Variants in CDKL5 observed in about 807,000 individuals in gnomAD.
CDKL5 encodes cyclin dependent kinase like 5, also known as cyclin-dependent kinase-like 5.
CDKL5 carries 8 observed loss-of-function variants against 61.7 expected under a neutral mutation model. The observed-to-expected ratio is 0.13, with a 90% CI of 0.08 to 0.23. The LOEUF (loss-of-function observed/expected upper bound fraction) is 0.23. Among genes scored for constraint, CDKL5 ranks in the 10% least tolerant of loss-of-function variants. The pLI, the probability that CDKL5 is intolerant of heterozygous loss-of-function variation, is 1.00. For missense variants in CDKL5, 440 were observed against 734.5 expected (o/e 0.60, Z 4.63); for synonymous variants, 275 against 272.3 (o/e 1.01, Z -0.10).
chrX:18,517,809 C>T (rs1923074982), intron 3 of CDKL5, among the ~76,000 whole-genome samples: 1 of 111,849 alleles, frequency 8.9e-6, no homozygotes, highest in African/African-American at 3.2e-5. Context: ...AGTTCAAGAC[C>T]AGCCTGGCCA....
intron 1 of CDKL5, among the ~76,000 whole-genome samples, chrX:18,431,967 G>A (rs993262533): frequency 9.1e-6 from 1 of 109,465 alleles, no homozygotes; most frequent in African/African-American, 3.3e-5. Context: ...GGAGTGCAGT[G>A]GTGTGATCTC....
At chrX:18,623,643 A>G (rs1224299340) in intron 16 of CDKL5, among the ~76,000 whole-genome samples, 3 of 111,176 alleles carry the variant, frequency 2.7e-5, no homozygotes, top group African/African-American at 9.8e-5. Context: ...TACTAGAGGT[A>G]TTGATCATGA....
chrX:18,522,047 T>C (rs1923262498), intron 3 of CDKL5, among the ~76,000 whole-genome samples: 2 of 111,620 alleles, frequency 1.8e-5, no homozygotes, highest in Non-Finnish European at 3.8e-5. Flanking sequence ...CTGTATGAAT[T>C]TGAAATTTTT....
chrX:18,633,372 A>G lies in CDKL5; in HGVS notation c.*4615A>G. ...ATTGTTTTTGAAAGGGGACATAGAA[A>G]AGACAGTACAAAGGTTGTAAGTGTC... On this transcript the variant is annotated 3_prime_UTR_variant, in exon 18 of 18. Transcript: ENST00000623535. 1 of 754,198 alleles carries G rather than the reference A, an allele frequency of 1.3e-6. No individual in the cohort carries two copies. Among genetic ancestry groups the G allele is most frequent in the South Asian group, 6.7e-5 (1 of 14,863 alleles). The allele number at this position is 754,198 out of a possible 1,213,427, so 62.2% of individuals were successfully genotyped here. A position where few individuals can be genotyped will look rare whatever the true frequency, so the allele number is the denominator to read the frequency against.
At position 18,629,667 on chromosome X, in the gene CDKL5, T is replaced by A; in HGVS notation, c.*910T>A. The A allele has an allele frequency of 2.7e-6, 2 of 753,924 alleles. No individual in the cohort carries two copies. Among genetic ancestry groups the A allele is most frequent in the Non-Finnish European group, 3.1e-6 (2 of 639,293 alleles). The allele number at this position is 753,924 out of a possible 1,213,427, so 62.1% of individuals were successfully genotyped here. A position where few individuals can be genotyped will look rare whatever the true frequency, so the allele number is the denominator to read the frequency against. On this transcript the variant is annotated 3_prime_UTR_variant, in exon 18 of 18. Transcript: ENST00000623535. ...CAGCAGTAGCCTCTAGACATGATCC[T>A]TGGTAGCAGACGAGATGCAGCATCT...
intron 1 of CDKL5, among the ~76,000 whole-genome samples, chrX:18,449,660 G>GT (rs111785524): frequency 5.3e-5 from 6 of 112,236 alleles, no homozygotes; most frequent in African/African-American, 1.9e-4. Context: ...TCTCCTTATT[G>GT]TTTTTTTGTT....
At chrX:18,583,024 C>T (rs1925531119) in intron 7 of CDKL5, among the ~76,000 whole-genome samples, 1 of 111,797 alleles carries the variant, frequency 8.9e-6, no homozygotes, top group African/African-American at 3.2e-5. Context: ...AATACTGGAT[C>T]TGAAAGATTT....
intron 1 of CDKL5, among the ~76,000 whole-genome samples, chrX:18,429,999 A>C (rs1931448511): frequency 9.0e-6 from 1 of 111,558 alleles, no homozygotes; most frequent in Non-Finnish European, 1.9e-5. Context: ...AGGTATATGT[A>C]TGCTTCTTGG....
chrX:18,518,607 T>C (rs1923134822), intron 3 of CDKL5, among the ~76,000 whole-genome samples: 1 of 107,540 alleles, frequency 9.3e-6, no homozygotes, highest in Admixed American at 1.0e-4. Context: ...CGTTTTACCA[T>C]GTTGGCCAGG....
intron 1 of CDKL5, among the ~76,000 whole-genome samples, chrX:18,481,527 A>ATT (rs764120656): frequency 0.029 from 2,377 of 81,444 alleles, 97 homozygotes; most frequent in East Asian, 0.18. Context: ...TAATTTTTGT[A>ATT]TTTTTTTTTT....
At chrX:18,600,470 T>C (rs1926144957) in intron 11 of CDKL5, among the ~76,000 whole-genome samples, 1 of 112,233 alleles carries the variant, frequency 8.9e-6, no homozygotes, top group Non-Finnish European at 1.9e-5. Flanking sequence ...TTTACCTTAA[T>C]TGTCTCTTAG....
intron 20 of CDKL5, among the ~76,000 whole-genome samples, chrX:18,646,399 C>G (rs951703215): frequency 1.8e-5 from 2 of 112,156 alleles, no homozygotes; most frequent in Non-Finnish European, 3.8e-5. Flanking sequence ...GGTAATCTGC[C>G]CCCCCTCGGC....
In CDKL5 at chrX:18,540,156, G is replaced by GGTTGTT. The variant is rs745863506; in HGVS notation, c.100-24296_100-24291dup. Among the ~76,000 whole-genome samples, 238 of 109,117 alleles carry GGTTGTT rather than the reference G, an allele frequency of 2.2e-3. 2 individuals are homozygous for GGTTGTT. Among genetic ancestry groups the GGTTGTT allele is most frequent in the African/African-American group, 5.5e-3 (164 of 29,816 alleles). The allele number at this position is 109,117 out of a possible 115,157, so 94.8% of individuals were successfully genotyped here. A position where few individuals can be genotyped will look rare whatever the true frequency, so the allele number is the denominator to read the frequency against. On this transcript the variant is annotated intron_variant, in intron 3 of 17. Transcript: ENST00000623535. ...TTCTTTGGTTATCTTTTACTTTCTTGGTTGTTGTTGTTGTTGTTGTTGTTG... is the reference window on the plus strand; with the variant it reads ...TTCTTTGGTTATCTTTTACTTTCTTGGTTGTTGTTGTTGTTGTTGTTGTTGTTGTTG...
rs774915513 is a variant in CDKL5 at position 18,620,089 on chromosome X, C to G, written c.2376+123C>G. 6.3e-6 allele frequency: 3 copies of G among 476,412 alleles called. No homozygotes were observed. In the African/African-American group the frequency reaches 7.2e-5, roughly 11 times the overall value. The allele number at this position is 476,412 out of a possible 1,213,427, so 39.3% of individuals were successfully genotyped here. ...CTTATTGAGACTTGACATTTTTGCA[C>G]TGTATTATGTCTCTTTCTGAAATTC... is the stretch of plus-strand genomic sequence containing the variant. On this transcript the variant is annotated intron_variant, in intron 16 of 17. Transcript: ENST00000623535.
Position 18,631,992 on chromosome X carries a change from A to G in CDKL5, c.*3235A>G, listed in dbSNP as rs1927251297. 1.4e-5 allele frequency: 8 copies of G among 565,017 alleles called. No homozygotes were observed. Among genetic ancestry groups the G allele is most frequent in the Admixed American group, 9.0e-5 (1 of 11,162 alleles). The allele number at this position is 565,017 out of a possible 1,213,427, so 46.6% of individuals were successfully genotyped here. The stretch of plus-strand genomic sequence containing the variant: ...AGGTGATGGTATGCTACTGGCATCA[A>G]GTGGTTAGAGGCCACAGATGCTACT... On this transcript the variant is annotated 3_prime_UTR_variant, in exon 18 of 18. Transcript: ENST00000623535.
At chrX:18,609,309 G>A (rs189634081) in intron 13 of CDKL5, among the ~76,000 whole-genome samples, 156 bp from the exon 14 acceptor site, 10 of 111,602 alleles carry the variant, frequency 9.0e-5, no homozygotes, top group African/African-American at 2.6e-4. Context: ...CAGGAGGATT[G>A]CTTGAACTGG....
At chrX:18,535,670 G>T in intron 3 of CDKL5, 1 of 154,699 alleles carries the variant, frequency 6.5e-6, no homozygotes. Flanking sequence ...TTACTCTCTC[G>T]CCCCCGGAGA....
rs1444720899 is a variant in CDKL5 at position 18,647,394 on chromosome X, C to T, written c.2797+1304C>T. Reference sequence around the variant, plus strand: ...TCAATACTCAACAAGCACCAGGTGACTGAAATAACAAAACAAACCCATCTG... The same window carrying T: ...TCAATACTCAACAAGCACCAGGTGATTGAAATAACAAAACAAACCCATCTG... On this transcript the variant is annotated intron_variant, in intron 20 of 21. Transcript: ENST00000379989. The T allele has an allele frequency of 1.1e-5, 13 of 1,153,099 alleles. No individual in the cohort carries two copies. In the East Asian group the frequency reaches 1.8e-4, roughly 16 times the overall value.
At position 18,630,121 on chromosome X, in the gene CDKL5, A is replaced by AATT; in HGVS notation, c.*1366_*1368dup. On this transcript the variant is annotated 3_prime_UTR_variant, in exon 18 of 18. Coordinates refer to ENST00000623535, the MANE Select transcript of CDKL5 (RefSeq NM_001323289.2). ...CTGGAGCAATTCCAGATAGATAAAAAATTACTCTATCCATTTTTTTCTTCC... is the reference window on the plus strand; with the variant it reads ...CTGGAGCAATTCCAGATAGATAAAAAATTATTACTCTATCCATTTTTTTCTTCC... 2 of 753,804 alleles carry AATT rather than the reference A, an allele frequency of 2.7e-6. No individual in the cohort carries two copies. Among genetic ancestry groups the AATT allele is most frequent in the Non-Finnish European group, 3.1e-6 (2 of 639,156 alleles). The allele number at this position is 753,804 out of a possible 1,213,427, so 62.1% of individuals were successfully genotyped here.
Sources: allele counts gnomAD v4.1 joint callset (sites outside exome capture counted in the v4.1 genomes callset), GRCh38; gene constraint gnomAD v4.1.1; transcripts MANE v1.5; gene names NCBI Gene and HGNC (gene_info 2026-07-23, HGNC 2026-07-21).